The following PEBP4 variants were observed in gnomAD, a reference collection of about 807,000 sequenced individuals.
PEBP4 encodes phosphatidylethanolamine-binding protein 4.
A neutral mutation model predicts 23.9 loss-of-function variants in PEBP4; 22 were observed. The observed-to-expected ratio is 0.92, with a 90% CI of 0.66 to 1.31. The LOEUF (loss-of-function observed/expected upper bound fraction) is 1.31, where lower values mean the gene tolerates loss of function less well. Among genes scored for constraint, PEBP4 ranks in the 40% most tolerant of loss-of-function variants. The pLI is 0.00. For missense variants in PEBP4, 324 were observed against 281.7 expected (o/e 1.15, Z -1.07); for synonymous variants, 112 against 99.3 (o/e 1.13, Z -0.76).
At chr8:22,872,718 C>T (rs1386056360) in intron 3 of PEBP4, among the ~76,000 whole-genome samples, 2 of 144,020 alleles carry the variant, frequency 1.4e-5, no homozygotes, top group Admixed American at 1.4e-4. Context: ...GCTCTGTCAC[C>T]CAGGCTGGAG....
chr8:22,880,049 G>A (rs1318032116), intron 3 of PEBP4, among the ~76,000 whole-genome samples: 1 of 152,158 alleles, frequency 6.6e-6, no homozygotes, highest in Non-Finnish European at 1.5e-5. Context: ...ATCCAAATTT[G>A]GCTTCAAGTG....
chr8:22,713,696 A>G (rs1804356215), intron 6 of PEBP4, among the ~76,000 whole-genome samples, 160 bp from the exon 7 acceptor site: 1 of 152,186 alleles, frequency 6.6e-6, no homozygotes, highest in African/African-American at 2.4e-5. Context: ...CTCCTGTTGC[A>G]GAGGTAGCCC....
chr8:22,725,462 G>A (rs986010200), intron 5 of PEBP4, among the ~76,000 whole-genome samples: 1 of 151,746 alleles, frequency 6.6e-6, no homozygotes, highest in Non-Finnish European at 1.5e-5. Flanking sequence ...GGGTTCAAAG[G>A]TTTGATCATG....
intron 2 of PEBP4, among the ~76,000 whole-genome samples, chr8:22,920,791 C>T (rs1188244916): frequency 6.6e-6 from 1 of 152,218 alleles, no homozygotes; most frequent in Non-Finnish European, 1.5e-5. Flanking sequence ...CTTCTCTCTC[C>T]CCTAAACAAT....
In PEBP4 at chr8:22,855,000, G is replaced by GCA. The variant is rs200500141; in HGVS notation, c.259-37267_259-37266dup. Among the ~76,000 whole-genome samples the GCA allele has an allele frequency of 4.8e-3, 355 of 73,760 alleles. 2 individuals carry two copies. Among genetic ancestry groups the GCA allele is most frequent in the African/African-American group, 0.015 (344 of 23,528 alleles). 48.4% of individuals were successfully genotyped at this position (73,760 alleles called of 152,430 possible). On this transcript the variant is annotated intron_variant, in intron 3 of 6. Transcript: ENST00000256404. ...TGAGTGTGTATGTGTGAGTATGCAC[G>GCA]CACACACACACACACACACACACAC...
At chr8:22,784,938 C>A (rs761259775) in intron 4 of PEBP4, among the ~76,000 whole-genome samples, 1 of 152,166 alleles carries the variant, frequency 6.6e-6, no homozygotes, top group Non-Finnish European at 1.5e-5. Flanking sequence ...TCCATCTGGG[C>A]GTCACCTTTT....
intron 3 of PEBP4, among the ~76,000 whole-genome samples, chr8:22,911,116 A>T (rs1238686413): frequency 6.6e-6 from 1 of 152,140 alleles, no homozygotes; most frequent in African/African-American, 2.4e-5. Flanking sequence ...TAAAACATAA[A>T]GTCTATTAAA....
chr8:22,789,588 G>C (rs1376795736), intron 4 of PEBP4, among the ~76,000 whole-genome samples: 1 of 152,130 alleles, frequency 6.6e-6, no homozygotes, highest in African/African-American at 2.4e-5. Context: ...GCTGCTCTAG[G>C]CCACAGGAAA....
At chr8:22,835,055 C>T (rs1005164374) in intron 3 of PEBP4, among the ~76,000 whole-genome samples, 9 of 152,162 alleles carry the variant, frequency 5.9e-5, no homozygotes, top group Admixed American at 1.3e-4. Context: ...TCCAGAAAGG[C>T]GACCTAACGT....
rs180928454 is a variant in PEBP4, at chr8:22,860,640, C to T, written c.259-42905G>A. Among the ~76,000 whole-genome samples, 115 of 152,202 alleles carry T rather than the reference C, an allele frequency of 7.6e-4. No homozygotes were observed. In the Middle Eastern group the frequency reaches 0.024, roughly 32 times the overall value. The stretch of plus-strand genomic sequence containing the variant: ...TTTATGCATTCCCATCTTTTTTGCC[C>T]TCTCAAAATCTGACTCTATCTTCAA... On this transcript the variant is annotated intron_variant, in intron 3 of 6. Transcript: ENST00000256404.
At chr8:22,931,348 T>C (rs1343310868), upstream of PEBP4, among the ~76,000 whole-genome samples, 1 of 152,166 alleles carries the variant, frequency 6.6e-6, no homozygotes, top group Non-Finnish European at 1.5e-5. Flanking sequence ...AGCATTTTCA[T>C]CAACCTAAAA....
chr8:22,884,651 G>A (rs1808337018), intron 3 of PEBP4: 2 of 152,348 alleles, frequency 1.3e-5, no homozygotes, highest in South Asian at 2.1e-4. Flanking sequence ...TTGACAAAGG[G>A]CCATTTCCCC....
chr8:22,784,002 G>C (rs2128755688), intron 4 of PEBP4, among the ~76,000 whole-genome samples: 1 of 152,350 alleles, frequency 6.6e-6, no homozygotes, highest in Non-Finnish European at 1.5e-5. Flanking sequence ...GTTATAGCAG[G>C]AGGTTGAACC....
At chr8:22,739,498 G>C (rs555424997) in intron 4 of PEBP4, among the ~76,000 whole-genome samples, 52 of 152,250 alleles carry the variant, frequency 3.4e-4, no homozygotes, top group Middle Eastern at 6.8e-3. Context: ...AATACACTGG[G>C]AGGAAGTGAC....
intron 4 of PEBP4, among the ~76,000 whole-genome samples, chr8:22,808,028 T>TATCC (rs377460672): frequency 1.1e-4 from 17 of 151,262 alleles, no homozygotes; most frequent in Admixed American, 3.3e-4. Context: ...ACCTAATCTT[T>TATCC]ATCCATCCAT....
chr8:22,722,696 C>G (rs1043319528), intron 6 of PEBP4, among the ~76,000 whole-genome samples: 1 of 152,176 alleles, frequency 6.6e-6, no homozygotes, highest in African/African-American at 2.4e-5. Flanking sequence ...AAGTTCCCAG[C>G]ACAGCGCTGG....
At chr8:22,939,601 A>C (rs1353386532) in intron 1 of PEBP4, among the ~76,000 whole-genome samples, 1 of 151,868 alleles carries the variant, frequency 6.6e-6, no homozygotes, top group Non-Finnish European at 1.5e-5. Flanking sequence ...GTTACAGGGT[A>C]TCTGCACTTG....
chr8:22,856,736 A>AATAC (rs1554491918), intron 3 of PEBP4, among the ~76,000 whole-genome samples: 2 of 151,672 alleles, frequency 1.3e-5, no homozygotes, highest in Non-Finnish European at 2.9e-5. Context: ...TAAATAAATA[A>AATAC]ATATATAGAA....
chr8:22,938,502 TTTTG>T (rs150236041), intron 1 of PEBP4, among the ~76,000 whole-genome samples: 19,685 of 152,078 alleles, frequency 0.13, 1,365 homozygotes, highest in Non-Finnish European at 0.16. Flanking sequence ...ATCTGGCCAT[TTTTG>T]TTTATTTACT....
Sources: gnomAD v4.1 joint callset for allele counts (sites outside exome capture counted in the v4.1 genomes callset) on GRCh38, gnomAD v4.1.1 for gene constraint, MANE v1.5 for transcripts, NCBI Gene and HGNC (gene_info 2026-07-23, HGNC 2026-07-21) for gene names.